Variants in GPHN observed in about 807,000 individuals in gnomAD.
The protein encoded by GPHN is gephyrin.
GPHN carries 17 observed loss-of-function variants against 95.5 expected under a neutral mutation model. That is an observed-to-expected ratio of 0.18 (90% CI 0.12 to 0.27). The LOEUF (loss-of-function observed/expected upper bound fraction) is 0.27. GPHN is among the 10% of genes least tolerant of loss of function. The pLI is 1.00. For missense variants in GPHN, 660 were observed against 978.1 expected, an observed-to-expected ratio of 0.67 and a Z score of 4.34; for synonymous variants, 320 against 322.5, an observed-to-expected ratio of 0.99 and a Z score of 0.08.
the GPHN span, among the ~76,000 whole-genome samples, chr14:67,195,254 G>A: frequency 2.0e-5 from 3 of 152,170 alleles, no homozygotes; most frequent in African/African-American, 7.2e-5. Context: ...AGGAAGAGGG[G>A]CGAGACCCAG....
intron 9 of GPHN, among the ~76,000 whole-genome samples, chr14:66,973,530 G>A (rs1050919362): frequency 1.3e-5 from 2 of 152,174 alleles, no homozygotes; most frequent in Non-Finnish European, 2.9e-5. Flanking sequence ...ACGCCAAGGC[G>A]GGTGGATCAC....
At chr14:67,073,964 A>G (rs1221199064) in intron 11 of GPHN, among the ~76,000 whole-genome samples, 3 of 152,186 alleles carry the variant, frequency 2.0e-5, no homozygotes, top group African/African-American at 7.2e-5. Flanking sequence ...TTTTCACTCT[A>G]CGAATATATA....
At chr14:67,224,383 C>T in the GPHN span, among the ~76,000 whole-genome samples, 2 of 151,750 alleles carry the variant, frequency 1.3e-5, no homozygotes, top group Non-Finnish European at 1.5e-5. Context: ...CTCAGTCTCC[C>T]GAGTAGCTGG....
At chr14:66,930,275 G>A (rs1343970969) in intron 8 of GPHN, among the ~76,000 whole-genome samples, 1 of 151,426 alleles carries the variant, frequency 6.6e-6, no homozygotes, top group Non-Finnish European at 1.5e-5. Flanking sequence ...CTGGTTATAT[G>A]TTTTAATTTC....
At chr14:67,475,051 G>A in the GPHN span, among the ~76,000 whole-genome samples, 1 of 152,000 alleles carries the variant, frequency 6.6e-6, no homozygotes, top group East Asian at 1.9e-4. Context: ...GAGTAGCTGG[G>A]ACTACAGGCA....
chr14:67,179,977 A>G (rs939864219), intron 22 of GPHN, among the ~76,000 whole-genome samples: 35 of 152,218 alleles, frequency 2.3e-4, no homozygotes, highest in African/African-American at 8.2e-4. Context: ...TCAACCAATA[A>G]GTTCTGAGTA....
chr14:67,134,836 TTC>T (rs934708368), intron 17 of GPHN, among the ~76,000 whole-genome samples: 4 of 151,628 alleles, frequency 2.6e-5, no homozygotes, highest in Non-Finnish European at 5.9e-5. Context: ...TTCTTTCTTT[TTC>T]CTTCTTTCTT....
At chr14:67,727,544 G>T in the GPHN span, 1 of 308,118 alleles carries the variant, frequency 3.2e-6, no homozygotes, top group South Asian at 2.8e-5. Context: ...GTGCAGTAGT[G>T]CGATCTTGGC....
rs570071318 is a variant in GPHN at position 66,517,351 on chromosome 14, G to T, written c.64+8760G>T. On this transcript the variant is annotated intron_variant, in intron 1 of 22. Coordinates refer to ENST00000478722, the MANE Select transcript of GPHN (RefSeq NM_020806.5). ...TTACGTTTGGATTAAACTGCAAGTG[G>T]GCACTACCCAAAGCAATCTACAGAT... Among the ~76,000 whole-genome samples the T allele has an allele frequency of 2.0e-5, 3 of 152,142 alleles. No individual in the cohort carries two copies. In the South Asian group the frequency reaches 6.2e-4, roughly 32 times the overall value.
chr14:67,259,079 G>A, the GPHN span, among the ~76,000 whole-genome samples: 1 of 151,836 alleles, frequency 6.6e-6, no homozygotes, highest in East Asian at 2.0e-4. Flanking sequence ...GTGGCCTCAA[G>A]TGATCCGCCT....
At chr14:67,633,927 G>A in the GPHN span, among the ~76,000 whole-genome samples, 1 of 152,062 alleles carries the variant, frequency 6.6e-6, no homozygotes, top group Admixed American at 6.5e-5. Context: ...CTGGGTCTCT[G>A]TTCCCGCCAC....
the GPHN span, among the ~76,000 whole-genome samples, chr14:67,247,390 A>G: frequency 2.0e-5 from 3 of 152,138 alleles, no homozygotes; most frequent in Non-Finnish European, 2.9e-5. Context: ...AAACTCCCTT[A>G]TTAGCTCTAG....
At chr14:67,260,417 A>G in the GPHN span, among the ~76,000 whole-genome samples, 1 of 152,232 alleles carries the variant, frequency 6.6e-6, no homozygotes, top group Admixed American at 6.5e-5. Context: ...TGTATATAGC[A>G]CAATATATTT....
chr14:67,363,927 C>T, the GPHN span: 1 of 152,166 alleles, frequency 6.6e-6, no homozygotes, highest in Non-Finnish European at 1.5e-5. Context: ...TTTAAATATG[C>T]TTCTACCCAG....
chr14:67,529,130 C>T, the GPHN span, among the ~76,000 whole-genome samples: 1 of 152,146 alleles, frequency 6.6e-6, no homozygotes, highest in Admixed American at 6.5e-5. Flanking sequence ...GGCACTGAGG[C>T]AGGCCCTTTA....
intron 18 of GPHN, among the ~76,000 whole-genome samples, chr14:67,147,712 A>G (rs1049818916): frequency 2.0e-5 from 3 of 152,052 alleles, no homozygotes; most frequent in Non-Finnish European, 4.4e-5. Context: ...AGAAGTTTTA[A>G]TCAGCGTTTC....
the GPHN span, among the ~76,000 whole-genome samples, chr14:67,525,966 G>A: frequency 5.9e-5 from 9 of 152,270 alleles, no homozygotes; most frequent in South Asian, 4.1e-4. Flanking sequence ...CAGCAGCCCC[G>A]TGTCAGCCCC....
At chr14:66,582,217 C>T (rs564815080) in intron 1 of GPHN, among the ~76,000 whole-genome samples, 1 of 151,994 alleles carries the variant, frequency 6.6e-6, no homozygotes, top group East Asian at 1.9e-4. Flanking sequence ...AAATAGAATT[C>T]ATAACAGAAG....
chr14:66,556,877 A>G (rs1219694463), intron 1 of GPHN, among the ~76,000 whole-genome samples: 1 of 152,066 alleles, frequency 6.6e-6, no homozygotes, highest in African/African-American at 2.4e-5. Flanking sequence ...AGCATTTGCT[A>G]CACATACTAA....
Sources: allele counts gnomAD v4.1 joint callset (sites outside exome capture counted in the v4.1 genomes callset), GRCh38; gene constraint gnomAD v4.1.1; transcripts MANE v1.5; gene names NCBI Gene and HGNC (gene_info 2026-07-23, HGNC 2026-07-21).